LRCH3: variants seen among roughly 807,000 people sequenced by gnomAD.
LRCH3 encodes leucine rich repeats and calponin homology domain containing 3.
A neutral mutation model predicts 104.5 loss-of-function variants in LRCH3; 68 were observed. The observed-to-expected ratio is 0.65, with a 90% confidence interval of 0.54 to 0.80. The LOEUF (loss-of-function observed/expected upper bound fraction) is 0.80, where lower values mean the gene tolerates loss of function less well. Among genes scored for constraint, LRCH3 ranks in the 30% least tolerant of loss-of-function variants. The probability of loss-of-function intolerance (pLI) is 0.00; values close to 1 mark genes in which losing one functional copy is unlikely to be tolerated. For synonymous variants in LRCH3, 344 were observed against 361.3 expected, an observed-to-expected ratio of 0.95 and a Z score of 0.54; for missense variants, 951 against 953.9, an observed-to-expected ratio of 1.00 and a Z score of 0.04.
intron 1 of LRCH3, among the ~76,000 whole-genome samples, chr3:197,801,666 TATC>T (rs1399062063): frequency 6.6e-6 from 1 of 152,204 alleles, no homozygotes. Flanking sequence ...CAGTAAACAA[TATC>T]ATCTTTTCTT....
chr3:197,868,565 CATT>C (rs1711625747), intron 17 of LRCH3, among the ~76,000 whole-genome samples: 1 of 152,156 alleles, frequency 6.6e-6, no homozygotes, highest in African/African-American at 2.4e-5. Flanking sequence ...TTCATAGCAG[CATT>C]ATTCATAATA....
At chr3:197,809,997 A>G (rs1298094381) in intron 1 of LRCH3, among the ~76,000 whole-genome samples, 1 of 152,112 alleles carries the variant, frequency 6.6e-6, no homozygotes, top group Non-Finnish European at 1.5e-5. Context: ...ATGGAAATTT[A>G]GGATCCCCAC....
chr3:197,845,423 G>T lies in LRCH3; in HGVS notation c.1329-1986G>T, dbSNP rs544824721. Among the ~76,000 whole-genome samples, 670 of 144,120 alleles carry T rather than the reference G, an allele frequency of 4.6e-3. 2 individuals are homozygous for T. The highest frequency in any genetic ancestry group is 0.017 in the African/African-American group (639 of 38,474). 94.5% of individuals were successfully genotyped at this position (144,120 alleles called of 152,430 possible). A position where few individuals can be genotyped will look rare whatever the true frequency, so the allele number is the denominator to read the frequency against. On this transcript the variant is annotated intron_variant, in intron 10 of 20. Transcript: ENST00000425562. ...GACTCTGTCAAAAAAAAAAAAAAAA[G>T]AAAGAAAGAAAGAAACATAGGTAGA...
chr3:197,869,954 C>G (rs113944972), intron 17 of LRCH3, among the ~76,000 whole-genome samples: 1 of 101,812 alleles, frequency 9.8e-6, no homozygotes, highest in East Asian at 3.3e-4. Flanking sequence ...GCACTGTACC[C>G]GCAGGAGGTA....
chr3:197,837,866 A>C (rs1403630525), intron 9 of LRCH3, among the ~76,000 whole-genome samples: 1 of 151,272 alleles, frequency 6.6e-6, no homozygotes, highest in South Asian at 2.1e-4. Context: ...GGCCAACATG[A>C]AGAAACGCTG....
At chr3:197,832,479 G>T (rs1311177327) in intron 8 of LRCH3, among the ~76,000 whole-genome samples, 162 bp downstream of exon 8, 1 of 152,016 alleles carries the variant, frequency 6.6e-6, no homozygotes, top group East Asian at 1.9e-4. Flanking sequence ...TTTCCATTGG[G>T]ATGAAACTAT....
chr3:197,850,133 C>T (rs1264297973), intron 12 of LRCH3, among the ~76,000 whole-genome samples: 1 of 152,050 alleles, frequency 6.6e-6, no homozygotes, highest in East Asian at 1.9e-4. Flanking sequence ...TGGGAATGGC[C>T]TTGTGTGATT....
At chr3:197,865,932 A>G (rs552667401) in intron 16 of LRCH3, among the ~76,000 whole-genome samples, 180 bp from the exon 17 acceptor site, 74 of 152,326 alleles carry the variant, frequency 4.9e-4, no homozygotes, top group Non-Finnish European at 1.0e-3. Flanking sequence ...ACAATGTAAA[A>G]TACATACAAG....
At chr3:197,816,779 G>A (rs1242073776) in intron 2 of LRCH3, among the ~76,000 whole-genome samples, 1 of 151,964 alleles carries the variant, frequency 6.6e-6, no homozygotes, top group Non-Finnish European at 1.5e-5. Flanking sequence ...TATAAGTTTT[G>A]TTTATAATCT....
intron 17 of LRCH3, among the ~76,000 whole-genome samples, chr3:197,867,780 G>A (rs374155229): frequency 7.2e-4 from 109 of 152,120 alleles, no homozygotes; most frequent in African/African-American, 2.6e-3. Context: ...GTGTGAACCC[G>A]GGAGGCAGAG....
chr3:197,847,025 T>C (rs1738838546), intron 10 of LRCH3, among the ~76,000 whole-genome samples: 1 of 151,934 alleles, frequency 6.6e-6, no homozygotes, highest in Non-Finnish European at 1.5e-5. Flanking sequence ...CTGTAGTTGA[T>C]AAAAATGACT....
rs563223871 is a variant in LRCH3, at chr3:197,806,798, C to T, written c.263-8110C>T. The stretch of plus-strand genomic sequence containing the variant: ...AACTCCTGACCTCAAGTGATCCACC[C>T]GCCTCAGCCTCCCAAAGTGCTGGGA... On this transcript the variant is annotated intron_variant, in intron 1 of 20. Coordinates refer to ENST00000425562, the MANE Select transcript of LRCH3 (RefSeq NM_001365715.1). Among the ~76,000 whole-genome samples, 35 of 151,106 alleles carry T rather than the reference C, an allele frequency of 2.3e-4. 1 individual carries two copies. The highest frequency in any genetic ancestry group is 4.2e-4 in the South Asian group (2 of 4,784).
intron 3 of LRCH3, among the ~76,000 whole-genome samples, chr3:197,817,882 G>A (rs1580628060): frequency 1.3e-5 from 2 of 152,094 alleles, no homozygotes; most frequent in South Asian, 2.1e-4. Flanking sequence ...GTGCAGTGGC[G>A]CAATCTCGGC....
chr3:197,791,536 G>T lies in LRCH3; in HGVS notation c.258G>T (p.Arg86=), dbSNP rs1375473647. 5 of 1,581,468 alleles carry T rather than the reference G, an allele frequency of 3.2e-6. No individual in the cohort carries two copies. Among genetic ancestry groups the T allele is most frequent in the Non-Finnish European group, 3.4e-6 (4 of 1,167,662 alleles). Reference sequence around the variant, plus strand: ...ACCACGACCTGACGGACACCACCCGGGCGGGTGAGCGGGGCGGGGGGCGTC... The same window carrying T: ...ACCACGACCTGACGGACACCACCCGTGCGGGTGAGCGGGGCGGGGGGCGTC... ...AANHDLTDTT[R]ADLSRNRLSE... The change falls in exon 1 of 21, where the codon CGG becomes CGT. Residue 86 remains arginine (R), a synonymous_variant. Coordinates refer to ENST00000425562, the MANE Select transcript of LRCH3 (RefSeq NM_001365715.1).
chr3:197,871,203 G>T, intron 18 of LRCH3, 122 bp from the exon 19 acceptor site: 1 of 761,442 alleles, frequency 1.3e-6, no homozygotes, highest in Non-Finnish European at 2.2e-6. Flanking sequence ...GGGATAAAAT[G>T]GATATTGTGG....
chr3:197,830,906 G>C, intron 7 of LRCH3, 43 bp downstream of exon 7: 1 of 1,419,240 alleles, frequency 7.0e-7, no homozygotes, highest in Non-Finnish European at 9.9e-7. Flanking sequence ...ACCTGATTAA[G>C]AGAAAACAGA....
rs535054319 is a variant in LRCH3 at position 197,876,535 on chromosome 3, A to G, written c.2208+760A>G. 2.0e-5 allele frequency among the ~76,000 whole-genome samples: 3 copies of G among 152,360 alleles called. No homozygotes were observed. In the East Asian group the frequency reaches 5.8e-4, roughly 29 times the overall value. On this transcript the variant is annotated intron_variant, in intron 20 of 20. Transcript: ENST00000425562. ...CCCCTTTAAAAAGCAATTATATTAA[A>G]CCAACTAAGTATTATACTATTAAGG...
At chr3:197,831,687 G>A (rs1163347590) in intron 7 of LRCH3, among the ~76,000 whole-genome samples, 1 of 152,008 alleles carries the variant, frequency 6.6e-6, no homozygotes, top group African/African-American at 2.4e-5. Flanking sequence ...CTTTCACCCA[G>A]GCTGGAGTGC....
chr3:197,846,122 G>A (rs1738643680), intron 10 of LRCH3, among the ~76,000 whole-genome samples: 1 of 152,032 alleles, frequency 6.6e-6, no homozygotes, highest in African/African-American at 2.4e-5. Flanking sequence ...TGTAATCAGG[G>A]CGTGGCGTGG....
Sources: allele counts gnomAD v4.1 joint callset (sites outside exome capture counted in the v4.1 genomes callset), GRCh38; gene constraint gnomAD v4.1.1; transcripts MANE v1.5; gene names NCBI Gene and HGNC (gene_info 2026-07-23, HGNC 2026-07-21).